The following TRPC6 variants were observed in gnomAD, a reference collection of about 807,000 sequenced individuals.
The protein encoded by TRPC6 is transient receptor potential cation channel subfamily C member 6.
A neutral mutation model predicts 90.7 loss-of-function variants in TRPC6; 55 were observed. The ratio of observed to expected loss-of-function variants is 0.61; its 90% CI spans 0.49 to 0.76. The LOEUF (loss-of-function observed/expected upper bound fraction) is 0.76, where lower values mean the gene tolerates loss of function less well. Among genes scored for constraint, TRPC6 ranks in the 30% least tolerant of loss-of-function variants. The pLI, the probability that TRPC6 is intolerant of heterozygous loss-of-function variation, is 0.00. For synonymous variants in TRPC6, 393 were observed against 393.0 expected, an observed-to-expected ratio of 1.00 and a Z score of 0.00; for missense variants, 989 against 1,122.7, an observed-to-expected ratio of 0.88 and a Z score of 1.70.
At chr11:101,527,525 G>A (rs1209137034) in intron 1 of TRPC6, among the ~76,000 whole-genome samples, 2 of 152,134 alleles carry the variant, frequency 1.3e-5, no homozygotes, top group East Asian at 1.9e-4. Flanking sequence ...GTTAACAGGA[G>A]ATTATAGGCA....
intron 8 of TRPC6, 69 bp downstream of exon 8, chr11:101,472,068 T>A: frequency 6.9e-7 from 1 of 1,459,004 alleles, no homozygotes; most frequent in Non-Finnish European, 9.6e-7. Flanking sequence ...TTCATCCCCA[T>A]TGCTGAGTTA....
intron 3 of TRPC6, 76 bp downstream of exon 3, chr11:101,491,480 C>G (rs1426319479): frequency 3.9e-5 from 60 of 1,524,826 alleles, no homozygotes; most frequent in Non-Finnish European, 5.3e-5. Context: ...CTTAATCTAA[C>G]AATATCAACC....
At chr11:101,508,910 A>G (rs959292754) in intron 1 of TRPC6, among the ~76,000 whole-genome samples, 2 of 152,118 alleles carry the variant, frequency 1.3e-5, no homozygotes, top group East Asian at 1.9e-4. Context: ...ACCTATCTCA[A>G]AGGACTACTT....
chr11:101,538,065 TG>T (rs1323639455), intron 1 of TRPC6, among the ~76,000 whole-genome samples: 1 of 152,206 alleles, frequency 6.6e-6, no homozygotes, highest in African/African-American at 2.4e-5. Context: ...CTTCTTTGCC[TG>T]TTCACAATTG....
At chr11:101,549,117 A>G (rs1242339316) in intron 1 of TRPC6, among the ~76,000 whole-genome samples, 1 of 151,958 alleles carries the variant, frequency 6.6e-6, no homozygotes, top group African/African-American at 2.4e-5. Context: ...ACAAAGGCCT[A>G]CTAATGGGAG....
chr11:101,472,979 AAC>A (rs1859329168), intron 7 of TRPC6, among the ~76,000 whole-genome samples: 2 of 152,146 alleles, frequency 1.3e-5, no homozygotes, highest in African/African-American at 4.8e-5. Context: ...TGAAAAAAAA[AAC>A]ACGTGTCCAT....
At chr11:101,582,608 A>G (rs933457108) in intron 1 of TRPC6, among the ~76,000 whole-genome samples, 3 of 151,598 alleles carry the variant, frequency 2.0e-5, no homozygotes, top group African/African-American at 7.3e-5. Flanking sequence ...GCTTGCAGTT[A>G]CCCACAGCCC....
chr11:101,489,324 A>G (rs1033406973), intron 3 of TRPC6, among the ~76,000 whole-genome samples: 1 of 152,250 alleles, frequency 6.6e-6, no homozygotes, highest in African/African-American at 2.4e-5. Context: ...TTCCTTTATG[A>G]CAAACAAGCT....
chr11:101,554,734 T>C (rs957242830), intron 1 of TRPC6, among the ~76,000 whole-genome samples: 2 of 152,238 alleles, frequency 1.3e-5, no homozygotes, highest in African/African-American at 4.8e-5. Context: ...ACAAAATTCT[T>C]TATTAACTAA....
Position 101,479,906 on chromosome 11 carries a change from C to T in TRPC6, c.1510+3043G>A, listed in dbSNP as rs188573805. Among the ~76,000 whole-genome samples, 888 of 152,208 alleles carry T rather than the reference C, an allele frequency of 5.8e-3. 8 individuals are homozygous for T. Among genetic ancestry groups the T allele is most frequent in the African/African-American group, 0.019 (798 of 41,518 alleles). ...AAAATAAAACTGAGACGGCTGGGCA[C>T]GGTGGCTCACGCCTGTAATCCCAGC... On this transcript the variant is annotated intron_variant, in intron 5 of 12. Coordinates refer to ENST00000344327, the MANE Select transcript of TRPC6 (RefSeq NM_004621.6).
chr11:101,507,298 T>C (rs558397635), intron 1 of TRPC6, among the ~76,000 whole-genome samples: 1 of 151,878 alleles, frequency 6.6e-6, no homozygotes, highest in Admixed American at 6.6e-5. Context: ...AATATAAGTC[T>C]TATTTTAATA....
At chr11:101,479,198 C>T (rs1207151447) in intron 5 of TRPC6, among the ~76,000 whole-genome samples, 1 of 152,230 alleles carries the variant, frequency 6.6e-6, no homozygotes, top group Non-Finnish European at 1.5e-5. Flanking sequence ...ACGTGGCACC[C>T]AGGGCCTGCA....
rs1862248526 is a variant in TRPC6, at chr11:101,583,407, G to A, written c.97C>T (p.Leu33Phe). Residue 33 changes from leucine (L) to phenylalanine (F), a missense_variant, in exon 1 of 13, where the codon CTC becomes TTC. Transcript: ENST00000344327. ...ARRNESQDYL[L>F]MDSELGEDGC... ...TCTTCTCCCAGCTCCGAGTCCATGA[G>A]CAGATAGTCCTGGCTCTCGTTGCGC... 6.3e-7 allele frequency: 1 copy of A among 1,585,044 alleles called. No individual in the cohort carries two copies. Among genetic ancestry groups the A allele is most frequent in the Non-Finnish European group, 8.6e-7 (1 of 1,165,458 alleles).
At chr11:101,455,146 C>A (rs1858854640) in intron 10 of TRPC6, 45 bp from the exon 11 acceptor site, 5 of 1,496,838 alleles carry the variant, frequency 3.3e-6, no homozygotes, top group African/African-American at 2.8e-5. Flanking sequence ...CTTACATTTT[C>A]TTTTAAATAA....
At chr11:101,535,171 AAAGAAAGGAAGGAAGGAAGG>A (rs1267443349) in intron 1 of TRPC6, among the ~76,000 whole-genome samples, 10 of 127,212 alleles carry the variant, frequency 7.9e-5, no homozygotes, top group Middle Eastern at 7.9e-3. Context: ...GTCAGAAAGA[AAAGAAAGGAAGGAAGGAAGG>A]AAGGAAGGAA....
chr11:101,511,437 C>T (rs1359797715), intron 1 of TRPC6, among the ~76,000 whole-genome samples: 2 of 152,082 alleles, frequency 1.3e-5, no homozygotes, highest in South Asian at 2.1e-4. Flanking sequence ...TAATCCCTCC[C>T]GTTAAAGGAA....
intron 12 of TRPC6, 29 bp from the exon 13 acceptor site, chr11:101,453,135 A>G: frequency 2.5e-6 from 4 of 1,609,756 alleles, no homozygotes; most frequent in Non-Finnish European, 3.4e-6. Flanking sequence ...TAAGAAGTCA[A>G]CTATAAATAC....
chr11:101,527,012 A>G (rs1860796742), intron 1 of TRPC6, among the ~76,000 whole-genome samples: 1 of 146,126 alleles, frequency 6.8e-6, no homozygotes, highest in Non-Finnish European at 1.5e-5. Context: ...TTAATGAATT[A>G]ACAAGACTAC....
chr11:101,548,953 C>A (rs1281846414), intron 1 of TRPC6, among the ~76,000 whole-genome samples: 2 of 151,578 alleles, frequency 1.3e-5, no homozygotes, highest in African/African-American at 2.4e-5. Context: ...GTGGGTAACT[C>A]TGGGGGTAGT....
Sources: allele counts gnomAD v4.1 joint callset (sites outside exome capture counted in the v4.1 genomes callset), GRCh38; gene constraint gnomAD v4.1.1; transcripts MANE v1.5; gene names NCBI Gene and HGNC (gene_info 2026-07-23, HGNC 2026-07-21).